ZRANB3: variants seen among roughly 807,000 people sequenced by gnomAD.
ZRANB3 encodes the protein DNA annealing helicase and endonuclease ZRANB3.
A neutral mutation model predicts 133.8 loss-of-function variants in ZRANB3; 125 were observed. The observed-to-expected ratio is 0.93, with a 90% confidence interval of 0.81 to 1.08. The LOEUF is 1.08. Among genes scored for constraint, ZRANB3 ranks in the 50% least tolerant of loss-of-function variants. ZRANB3 has a pLI of 0.00. For missense variants in ZRANB3, 1,229 were observed against 1,275.5 expected (o/e 0.96, Z 0.56); for synonymous variants, 387 against 432.7 (o/e 0.89, Z 1.31).
In ZRANB3 at chr2:135,268,008, C is replaced by T. The variant is rs149009611; in HGVS notation, c.1386+954G>A. Among the ~76,000 whole-genome samples the T allele has an allele frequency of 4.8e-3, 737 of 152,210 alleles. 2 individuals are homozygous for T. The highest frequency in any genetic ancestry group is 0.015 in the African/African-American group (619 of 41,534). On this transcript the variant is annotated intron_variant, in intron 11 of 20. Transcript: ENST00000264159. ...AGTCAGCAACTTGGAAGAGGGCCCT[C>T]ACCAGAACTCAACCATACTGGCATC...
chr2:135,332,881 C>G (rs1470526069), intron 6 of ZRANB3, among the ~76,000 whole-genome samples: 1 of 152,066 alleles, frequency 6.6e-6, no homozygotes, highest in Non-Finnish European at 1.5e-5. Flanking sequence ...CATACATTAC[C>G]TTTGTTCTTA....
intron 12 of ZRANB3, among the ~76,000 whole-genome samples, chr2:135,259,020 A>C (rs2105104376): frequency 6.6e-6 from 1 of 152,094 alleles, no homozygotes; most frequent in East Asian, 1.9e-4. Flanking sequence ...TTTCTTTTTG[A>C]ATTTTGAGAA....
At chr2:135,224,131 G>T (rs1005906468) in intron 15 of ZRANB3, among the ~76,000 whole-genome samples, 6 of 152,222 alleles carry the variant, frequency 3.9e-5, no homozygotes, top group African/African-American at 1.2e-4. Context: ...GGTAAATGGG[G>T]TATACCACAT....
intron 14 of ZRANB3, among the ~76,000 whole-genome samples, chr2:135,226,485 A>G (rs1028426843): frequency 6.6e-6 from 1 of 152,226 alleles, no homozygotes; most frequent in African/African-American, 2.4e-5. Context: ...CAGTGATCTG[A>G]AAAGTCAAAA....
chr2:135,511,499 A>T, intron 1 of ZRANB3: 1 of 917,826 alleles, frequency 1.1e-6, no homozygotes, highest in Non-Finnish European at 1.8e-6. Context: ...ACTTCTTCAG[A>T]CTCCTCCTGA....
intron 2 of ZRANB3, among the ~76,000 whole-genome samples, chr2:135,446,542 G>A (rs1468808019): frequency 6.6e-6 from 1 of 152,198 alleles, no homozygotes; most frequent in African/African-American, 2.4e-5. Flanking sequence ...ATAATTGGCA[G>A]GTTTTTCTCC....
chr2:135,326,066 T>A (rs1382142369), intron 6 of ZRANB3, among the ~76,000 whole-genome samples: 1 of 152,170 alleles, frequency 6.6e-6, no homozygotes, highest in African/African-American at 2.4e-5. Context: ...TCATTTGCTG[T>A]ATGTGAGCCT....
chr2:135,289,601 T>C (rs1358833484), intron 8 of ZRANB3, among the ~76,000 whole-genome samples: 1 of 152,108 alleles, frequency 6.6e-6, no homozygotes, highest in African/African-American at 2.4e-5. Flanking sequence ...AGAGAGTACT[T>C]GATACAATGT....
Position 135,250,431 on chromosome 2 carries a change from G to C in ZRANB3, c.1539+15103C>G, listed in dbSNP as rs112672327. Among the ~76,000 whole-genome samples the C allele has an allele frequency of 3.0e-3, 453 of 152,334 alleles. 3 individuals are homozygous for C. The highest frequency in any genetic ancestry group is 0.01 in the African/African-American group (422 of 41,584). On this transcript the variant is annotated intron_variant, in intron 12 of 20. Transcript: ENST00000264159. ...CAGAAATTTGCATAAGTAGCAAGGA[G>C]CCTAATGTTAATCCCCAAGACCATG...
chr2:135,324,416 AT>A (rs142092604), intron 6 of ZRANB3, among the ~76,000 whole-genome samples: 1 of 152,046 alleles, frequency 6.6e-6, no homozygotes, highest in African/African-American at 2.4e-5. Flanking sequence ...TGAACTCATC[AT>A]TTTTTATGGC....
At position 135,271,872 on chromosome 2, in the gene ZRANB3, T is replaced by C. The variant is rs1181083835; in HGVS notation, c.1102A>G (p.Ile368Val). The change falls in exon 10 of 21, where the codon ATA (isoleucine) becomes GTA (valine). Residue 368 changes from isoleucine (I) to valine (V), a missense_variant. By Grantham distance (29) the Ile-to-Val change is conservative. Transcript: ENST00000264159. Reference protein sequence around the residue: ...VIENKTRYIRIDGSVSSSERI... With the variant: ...VIENKTRYIRVDGSVSSSERI... The stretch of plus-strand genomic sequence containing the variant: ...TCTGAAGATGAAACACTTCCATCTA[T>C]CCTAATGTAACGAGTCTAGCATCAA... 1 of 1,613,344 alleles carries C rather than the reference T, an allele frequency of 6.2e-7. No individual in the cohort carries two copies. Among genetic ancestry groups the C allele is most frequent in the South Asian group, 1.1e-5 (1 of 90,880 alleles).
chr2:135,275,337 G>C (rs1680754668), intron 9 of ZRANB3, among the ~76,000 whole-genome samples: 1 of 151,988 alleles, frequency 6.6e-6, no homozygotes, highest in African/African-American at 2.4e-5. Flanking sequence ...GGCTGGCCAG[G>C]CGGGGGCTGA....
chr2:135,342,257 G>A lies in ZRANB3; in HGVS notation c.677+3293C>T, dbSNP rs191690692. 1.4e-3 allele frequency among the ~76,000 whole-genome samples: 216 copies of A among 149,772 alleles called. 4 individuals are homozygous for A. Among genetic ancestry groups the A allele is most frequent in the Admixed American group, 3.5e-3 (53 of 15,218 alleles). On this transcript the variant is annotated intron_variant, in intron 6 of 20. Coordinates refer to ENST00000264159, the MANE Select transcript of ZRANB3 (RefSeq NM_032143.4). ...AAAGAACCTACATTGAAATATTGGG[G>A]GCCGGTTCCCCCAATAGTGATCTGC...
chr2:135,248,254 T>G (rs568092142), intron 12 of ZRANB3, among the ~76,000 whole-genome samples: 56 of 152,270 alleles, frequency 3.7e-4, no homozygotes, highest in African/African-American at 1.3e-3. Flanking sequence ...GCTCTAGCCA[T>G]CCGCCACCAG....
At chr2:135,229,347 AGTC>A (rs1694887422) in intron 13 of ZRANB3, among the ~76,000 whole-genome samples, 5 of 151,594 alleles carry the variant, frequency 3.3e-5, no homozygotes, top group African/African-American at 1.2e-4. Flanking sequence ...ATCTTAGCTG[AGTC>A]TTTGTCAATG....
chr2:135,510,699 T>C (rs2104829862), intron 1 of ZRANB3: 1 of 796,568 alleles, frequency 1.3e-6, no homozygotes, highest in East Asian at 2.4e-5. Flanking sequence ...CCCTGGCAGC[T>C]CGAGTCTTCT....
At chr2:135,504,130 T>A in intron 2 of ZRANB3, 199 bp downstream of exon 2, 1 of 667,010 alleles carries the variant, frequency 1.5e-6, no homozygotes, top group Admixed American at 2.3e-5. Context: ...ATACTTTCTC[T>A]TAAGAAATCA....
intron 15 of ZRANB3, among the ~76,000 whole-genome samples, chr2:135,222,131 G>A (rs1319448356): frequency 3.3e-5 from 5 of 152,006 alleles, no homozygotes; most frequent in African/African-American, 9.7e-5. Flanking sequence ...TAGGCTGGGC[G>A]TGGTGGCTCA....
intron 14 of ZRANB3, among the ~76,000 whole-genome samples, chr2:135,224,932 G>T (rs1188484384): frequency 5.3e-5 from 8 of 152,124 alleles, no homozygotes. Context: ...TATGTTGAGG[G>T]CCACTTAAAT....
Sources: allele counts gnomAD v4.1 joint callset (sites outside exome capture counted in the v4.1 genomes callset), GRCh38; gene constraint gnomAD v4.1.1; transcripts MANE v1.5; gene names NCBI Gene and HGNC (gene_info 2026-07-23, HGNC 2026-07-21).